The following TENM2 variants were observed in gnomAD, a reference collection of about 807,000 sequenced individuals.
TENM2 encodes teneurin-2.
Under a neutral mutation model 245.2 loss-of-function variants are expected in TENM2, and 52 were observed. The observed-to-expected ratio is 0.21, with a 90% CI of 0.17 to 0.27. The LOEUF is 0.27. Ranked by LOEUF, TENM2 falls within the 10% of genes least tolerant of loss-of-function variation. The pLI, the probability that TENM2 is intolerant of heterozygous loss-of-function variation, is 1.00. For synonymous variants in TENM2, 1,363 were observed against 1,438.9 expected (o/e 0.95, Z 1.19); for missense variants, 3,046 against 3,666.8 (o/e 0.83, Z 4.37).
At chr5:167,402,342 C>A (rs1336406924) in intron 2 of TENM2, among the ~76,000 whole-genome samples, 2 of 152,134 alleles carry the variant, frequency 1.3e-5, no homozygotes, top group African/African-American at 4.8e-5. Flanking sequence ...GAAACATTTA[C>A]CCCTGACAAA....
chr5:167,911,519 T>C (rs539986208), intron 3 of TENM2, among the ~76,000 whole-genome samples: 1 of 152,228 alleles, frequency 6.6e-6, no homozygotes, highest in South Asian at 2.1e-4. Flanking sequence ...AGAGCGAGAC[T>C]CCGTCTCAAA....
At chr5:167,008,735 A>G in the TENM2 span, among the ~76,000 whole-genome samples, 1 of 152,140 alleles carries the variant, frequency 6.6e-6, no homozygotes, top group African/African-American at 2.4e-5. Context: ...AGAAATGCTG[A>G]GGATGTTTCT....
intron 2 of TENM2, among the ~76,000 whole-genome samples, chr5:167,543,128 G>A (rs1186072462): frequency 6.6e-6 from 1 of 152,160 alleles, no homozygotes; most frequent in East Asian, 1.9e-4. Flanking sequence ...GCTTCCAGGT[G>A]ATTCCAATGC....
At chr5:167,764,510 T>G (rs1437885755) in intron 2 of TENM2, among the ~76,000 whole-genome samples, 1 of 152,216 alleles carries the variant, frequency 6.6e-6, no homozygotes, top group Non-Finnish European at 1.5e-5. Context: ...TGAATATGAT[T>G]TGTAAGCTCT....
At chr5:167,589,216 T>G (rs1304478256) in intron 2 of TENM2, among the ~76,000 whole-genome samples, 1 of 132,246 alleles carries the variant, frequency 7.6e-6, no homozygotes, top group Non-Finnish European at 1.6e-5. Flanking sequence ...AAAAAAAAAA[T>G]TAATGATACT....
the TENM2 span, among the ~76,000 whole-genome samples, chr5:167,250,518 CTTATG>C: frequency 7.9e-5 from 12 of 151,894 alleles, no homozygotes; most frequent in African/African-American, 2.9e-4. Context: ...ACATATGTGA[CTTATG>C]TTATATTTGT....
the TENM2 span, among the ~76,000 whole-genome samples, chr5:167,253,456 C>CA: frequency 1.3e-5 from 2 of 150,588 alleles, no homozygotes; most frequent in Non-Finnish European, 3.0e-5. Flanking sequence ...AACAAACAAA[C>CA]AAAAAAAAGT....
chr5:167,780,339 G>A (rs1043404287), intron 2 of TENM2, among the ~76,000 whole-genome samples: 5 of 152,246 alleles, frequency 3.3e-5, no homozygotes, highest in East Asian at 1.9e-4. Flanking sequence ...TGCACAGAGC[G>A]GTAAAAATCT....
In TENM2 at chr5:167,452,948, T is replaced by TATATATATATATTTTAA. The variant is rs1554157746; in HGVS notation, c.502+77487_502+77488insTTTAAATATATATATAT. Among the ~76,000 whole-genome samples the TATATATATATATTTTAA allele has an allele frequency of 4.5e-3, 209 of 46,800 alleles. 12 individuals carry two copies. The highest frequency in any genetic ancestry group is 9.7e-3 in the East Asian group (14 of 1,440). 30.7% of individuals were successfully genotyped at this position (46,800 alleles called of 152,430 possible). A position where few individuals can be genotyped will look rare whatever the true frequency, so the allele number is the denominator to read the frequency against. On this transcript the variant is annotated intron_variant, in intron 2 of 28. Transcript: ENST00000518659. Reference sequence around the variant, plus strand: ...AGTATGATTTATATATATATATATATATATATATATATATTTAAAAAAAAA... The same window carrying TATATATATATATTTTAA: ...AGTATGATTTATATATATATATATATATATATATATATTTTAAATATATATATATATTTAAAAAAAAA...
At chr5:168,254,463 G>GGAGGAA (rs200538563) in intron 27 of TENM2, among the ~76,000 whole-genome samples, 1 of 147,978 alleles carries the variant, frequency 6.8e-6, no homozygotes, top group Non-Finnish European at 1.5e-5. Context: ...AGGAAGAAGG[G>GGAGGAA]GAGGAAGAGG....
At chr5:167,786,282 A>G (rs1764575908) in intron 2 of TENM2, among the ~76,000 whole-genome samples, 1 of 152,180 alleles carries the variant, frequency 6.6e-6, no homozygotes, top group Admixed American at 6.5e-5. Context: ...GCTTTGGCAA[A>G]AATTAAAGGT....
intron 12 of TENM2, among the ~76,000 whole-genome samples, chr5:168,149,844 T>C (rs1002479686): frequency 6.6e-6 from 1 of 152,236 alleles, no homozygotes; most frequent in African/African-American, 2.4e-5. Context: ...GCCTCCTCTC[T>C]GTCCTTCCAA....
chr5:168,168,543 G>A (rs964729698), intron 13 of TENM2, among the ~76,000 whole-genome samples: 7 of 152,152 alleles, frequency 4.6e-5, no homozygotes, highest in African/African-American at 1.7e-4. Flanking sequence ...AGCCAGGCAG[G>A]CATCCTGGCA....
intron 2 of TENM2, among the ~76,000 whole-genome samples, chr5:167,820,752 A>G (rs1008315949): frequency 3.9e-5 from 6 of 152,238 alleles, no homozygotes; most frequent in African/African-American, 1.4e-4. Context: ...CTAGCCTTTT[A>G]GAGCCTCTTG....
At chr5:168,215,337 C>A in intron 21 of TENM2, 65 bp downstream of exon 23, 1 of 1,297,530 alleles carries the variant, frequency 7.7e-7, no homozygotes, top group Non-Finnish European at 1.1e-6. Context: ...TGGCTTTCTT[C>A]TCATCAGAAC....
chr5:167,049,740 C>G, the TENM2 span, among the ~76,000 whole-genome samples: 1 of 152,260 alleles, frequency 6.6e-6, no homozygotes, highest in East Asian at 1.9e-4. Flanking sequence ...TTTTAATATA[C>G]TGAATGCTTT....
intron 7 of TENM2, among the ~76,000 whole-genome samples, chr5:168,069,892 G>C (rs914756440): frequency 6.6e-6 from 1 of 152,152 alleles, no homozygotes; most frequent in Non-Finnish European, 1.5e-5. Flanking sequence ...GGTAAATATG[G>C]ATCTGGCTGA....
At chr5:167,872,512 G>GAAAAAGAAAGAAAGAAAGAA (rs1190950262) in intron 2 of TENM2, among the ~76,000 whole-genome samples, 1 of 11,638 alleles carries the variant, frequency 8.6e-5, no homozygotes, top group African/African-American at 2.0e-4. Flanking sequence ...AAGAAAGAAA[G>GAAAAAGAAAGAAAGAAAGAA]AAAGAAAGAA....
the TENM2 span, among the ~76,000 whole-genome samples, chr5:167,067,229 T>C: frequency 6.6e-6 from 1 of 152,152 alleles, no homozygotes; most frequent in Non-Finnish European, 1.5e-5. Flanking sequence ...CAAAATAAGA[T>C]TTGAACCTTT....
Sources: allele counts gnomAD v4.1 joint callset (sites outside exome capture counted in the v4.1 genomes callset), GRCh38; gene constraint gnomAD v4.1.1; transcripts MANE v1.5; gene names NCBI Gene and HGNC (gene_info 2026-07-23, HGNC 2026-07-21).